TIAM1: variants seen among roughly 807,000 people sequenced by gnomAD.
TIAM1 encodes TIAM Rac1 associated GEF 1, also known as rho guanine nucleotide exchange factor TIAM1.
TIAM1 carries 65 observed loss-of-function variants against 163.5 expected under a neutral mutation model. That is an observed-to-expected ratio of 0.40 (90% CI 0.33 to 0.49). The LOEUF is 0.49. Among genes scored for constraint, TIAM1 ranks in the 20% least tolerant of loss-of-function variants. TIAM1 has a pLI of 0.77. For synonymous variants in TIAM1, 833 were observed against 810.1 expected, an observed-to-expected ratio of 1.03 and a Z score of -0.48; for missense variants, 1,789 against 2,044.7, an observed-to-expected ratio of 0.87 and a Z score of 2.41.
intron 2 of TIAM1, among the ~76,000 whole-genome samples, chr21:31,315,321 TG>T (rs1175393397): frequency 2.6e-5 from 4 of 151,968 alleles, no homozygotes; most frequent in African/African-American, 9.7e-5. Flanking sequence ...GAGACCATCC[TG>T]GCTAACACGG....
chr21:31,518,678 C>A (rs939319046), intron 1 of TIAM1, among the ~76,000 whole-genome samples: 1 of 152,030 alleles, frequency 6.6e-6, no homozygotes, highest in Non-Finnish European at 1.5e-5. Flanking sequence ...ATAATGCAGG[C>A]GAGCCAGTAT....
chr21:31,556,879 C>G (rs2048898661), intron 1 of TIAM1, among the ~76,000 whole-genome samples: 1 of 152,146 alleles, frequency 6.6e-6, no homozygotes, highest in African/African-American at 2.4e-5. Context: ...CCTTGAGATA[C>G]AAAAAAGCAT....
At chr21:31,330,950 G>A (rs2075660864) in intron 2 of TIAM1, among the ~76,000 whole-genome samples, 1 of 151,632 alleles carries the variant, frequency 6.6e-6, no homozygotes, top group South Asian at 2.1e-4. Flanking sequence ...AACTCGGAAA[G>A]GTAAAATGTG....
chr21:31,281,237 G>T (rs754139110), intron 2 of TIAM1, among the ~76,000 whole-genome samples: 1 of 152,038 alleles, frequency 6.6e-6, no homozygotes, highest in Non-Finnish European at 1.5e-5. Flanking sequence ...GTTCAATTCA[G>T]GTGCTATTAC....
chr21:31,411,570 G>A (rs542081935), intron 2 of TIAM1, among the ~76,000 whole-genome samples: 12 of 150,638 alleles, frequency 8.0e-5, no homozygotes, highest in African/African-American at 2.9e-4. Context: ...CTGCCTCCCA[G>A]GTTCAAGCAA....
At chr21:31,179,012 A>C (rs1033555099) in intron 15 of TIAM1, among the ~76,000 whole-genome samples, 2 of 151,378 alleles carry the variant, frequency 1.3e-5, no homozygotes, top group African/African-American at 4.9e-5. Flanking sequence ...TGGCCTCCCA[A>C]AGTGCTGGGA....
chr21:31,530,285 T>G (rs770657310), intron 1 of TIAM1, among the ~76,000 whole-genome samples: 1 of 152,214 alleles, frequency 6.6e-6, no homozygotes, highest in South Asian at 2.1e-4. Flanking sequence ...TACACAACAT[T>G]TCTTTAACCC....
chr21:31,277,159 G>A lies in TIAM1; in HGVS notation c.-188-251C>T, dbSNP rs967436068. On this transcript the variant is annotated intron_variant, in intron 2 of 27. Coordinates refer to ENST00000541036, the MANE Select transcript of TIAM1 (RefSeq NM_001353694.2). ...TCTAACTCACGGGATGAGGCAGGAG[G>A]TCAGCACAAGATACAGGTCATAAAG... Among the ~76,000 whole-genome samples the A allele has an allele frequency of 6.7e-4, 102 of 152,190 alleles. 1 individual carries two copies. The highest frequency in any genetic ancestry group is 2.4e-3 in the African/African-American group (101 of 41,444).
chr21:31,137,135 T>C (rs2082651569), intron 22 of TIAM1, among the ~76,000 whole-genome samples: 1 of 152,236 alleles, frequency 6.6e-6, no homozygotes, highest in African/African-American at 2.4e-5. Context: ...CTGCAGTCAC[T>C]GGCCTCCTTC....
chr21:31,525,821 G>C (rs1222632374), intron 1 of TIAM1, among the ~76,000 whole-genome samples: 1 of 152,106 alleles, frequency 6.6e-6, no homozygotes, highest in Admixed American at 6.5e-5. Flanking sequence ...ATCATTTGAA[G>C]TCAGGAGTTC....
chr21:31,281,984 A>C (rs2073589962), intron 2 of TIAM1, among the ~76,000 whole-genome samples: 1 of 152,236 alleles, frequency 6.6e-6, no homozygotes, highest in African/African-American at 2.4e-5. Context: ...ACTGTTACTT[A>C]AGAAAAAACT....
At chr21:31,467,230 G>C (rs146599844) in intron 1 of TIAM1, among the ~76,000 whole-genome samples, 233 of 152,308 alleles carry the variant, frequency 1.5e-3, no homozygotes, top group African/African-American at 5.2e-3. Flanking sequence ...TACTTCAGAG[G>C]CTGAGGCAAG....
chr21:31,251,680 G>A (rs2071811560), intron 5 of TIAM1, 62 bp downstream of exon 5: 1 of 1,484,640 alleles, frequency 6.7e-7, no homozygotes, highest in Non-Finnish European at 9.1e-7. Flanking sequence ...CCGTGAGTAT[G>A]TGCACAACGG....
chr21:31,298,735 G>GGTGTGTGT (rs147701527), intron 2 of TIAM1, among the ~76,000 whole-genome samples: 16,819 of 138,390 alleles, frequency 0.12, 1,050 homozygotes, highest in African/African-American at 0.13. Context: ...TCCAATTGAG[G>GGTGTGTGT]GTGTGTGTGT....
intron 2 of TIAM1, among the ~76,000 whole-genome samples, chr21:31,367,833 A>G (rs1043705790): frequency 3.3e-5 from 5 of 152,176 alleles, no homozygotes; most frequent in Admixed American, 2.0e-4. Context: ...CTAAATTATA[A>G]TATTTTAACT....
chr21:31,296,382 A>G (rs2074267257), intron 2 of TIAM1, among the ~76,000 whole-genome samples: 1 of 152,170 alleles, frequency 6.6e-6, no homozygotes, highest in Admixed American at 6.5e-5. Context: ...TTATATGTGA[A>G]GTGGATGATC....
chr21:31,437,892 T>A (rs984339640), intron 2 of TIAM1, among the ~76,000 whole-genome samples: 1 of 152,212 alleles, frequency 6.6e-6, no homozygotes, highest in Non-Finnish European at 1.5e-5. Flanking sequence ...TTTATAGCAG[T>A]GTGAGAACAG....
chr21:31,352,329 A>G (rs1326295464), intron 2 of TIAM1, among the ~76,000 whole-genome samples: 1 of 152,196 alleles, frequency 6.6e-6, no homozygotes, highest in Non-Finnish European at 1.5e-5. Context: ...GTCAGACACA[A>G]AAGGACAAAT....
intron 11 of TIAM1, among the ~76,000 whole-genome samples, chr21:31,207,596 A>G (rs1162481431): frequency 1.3e-5 from 2 of 152,156 alleles, no homozygotes; most frequent in African/African-American, 2.4e-5. Flanking sequence ...CAGATCCACT[A>G]ATTACAATAA....
Sources: gnomAD v4.1 joint callset for allele counts (sites outside exome capture counted in the v4.1 genomes callset) on GRCh38, gnomAD v4.1.1 for gene constraint, MANE v1.5 for transcripts, NCBI Gene and HGNC (gene_info 2026-07-23, HGNC 2026-07-21) for gene names.